KCNQ5: variants seen among roughly 807,000 people sequenced by gnomAD.
KCNQ5 encodes potassium voltage-gated channel subfamily KQT member 5.
Under a neutral mutation model 98.2 loss-of-function variants are expected in KCNQ5, and 30 were observed. The observed-to-expected ratio is 0.31, with a 90% CI of 0.23 to 0.41. The LOEUF (loss-of-function observed/expected upper bound fraction) is 0.41. Among genes scored for constraint, KCNQ5 ranks in the 10% least tolerant of loss-of-function variants. The pLI, the probability that KCNQ5 is intolerant of heterozygous loss-of-function variation, is 1.00. For synonymous variants in KCNQ5, 458 were observed against 449.4 expected (o/e 1.02, Z -0.24); for missense variants, 835 against 1,182.5 (o/e 0.71, Z 4.31).
chr6:72,680,282 G>A (rs1054733944), intron 1 of KCNQ5, among the ~76,000 whole-genome samples: 1 of 152,162 alleles, frequency 6.6e-6, no homozygotes, highest in Non-Finnish European at 1.5e-5. Flanking sequence ...ATGGAATCAT[G>A]TAATATGTGG....
At chr6:73,135,980 A>G (rs1192371698) in intron 10 of KCNQ5, 1 of 152,162 alleles carries the variant, frequency 6.6e-6, no homozygotes, top group Non-Finnish European at 1.5e-5. Context: ...ATTTAATAAC[A>G]TCTCTAAAGA....
intron 1 of KCNQ5, chr6:72,987,608 TGCAGCAGAAC>T: frequency 6.8e-6 from 4 of 586,808 alleles, no homozygotes; most frequent in South Asian, 4.9e-5. Flanking sequence ...CAGCAGAACC[TGCAGCAGAAC>T]CTGCAGCAGG....
rs533157068 is a variant in KCNQ5, at chr6:73,123,834, A to G, written c.1221-652A>G. The stretch of plus-strand genomic sequence containing the variant: ...TAAAGCCTTTGATTTACTCATAAGA[A>G]AACCAAAACCTGCAAGCAAATAAGG... On this transcript the variant is annotated intron_variant, in intron 8 of 13. Coordinates refer to ENST00000370398, the MANE Select transcript of KCNQ5 (RefSeq NM_019842.4). Among the ~76,000 whole-genome samples, 6 of 152,298 alleles carry G rather than the reference A, an allele frequency of 3.9e-5. No individual in the cohort carries two copies. The East Asian group carries it at 1.2e-3, about 29-fold the overall frequency.
At chr6:72,974,052 G>A (rs9342991) in intron 1 of KCNQ5, among the ~76,000 whole-genome samples, 100,483 of 152,078 alleles carry the variant, frequency 0.66, 36,899 homozygotes, top group Non-Finnish European at 0.82. Flanking sequence ...TTTGCTGGGG[G>A]AGAAGTAACA....
intron 1 of KCNQ5, among the ~76,000 whole-genome samples, chr6:72,975,033 G>A (rs968863927): frequency 6.6e-6 from 1 of 152,006 alleles, no homozygotes; most frequent in Non-Finnish European, 1.5e-5. Flanking sequence ...CACCACTCCC[G>A]ACCCTAACAC....
intron 1 of KCNQ5, among the ~76,000 whole-genome samples, chr6:72,651,979 C>T (rs1338243243): frequency 6.6e-6 from 1 of 151,928 alleles, no homozygotes; most frequent in African/African-American, 2.4e-5. Flanking sequence ...TTACAGATTT[C>T]TTTTTTGATG....
chr6:72,859,336 A>G (rs1777664576), intron 1 of KCNQ5, among the ~76,000 whole-genome samples: 1 of 152,174 alleles, frequency 6.6e-6, no homozygotes, highest in African/African-American at 2.4e-5. Context: ...TATTTTTTTA[A>G]GCATGGGTGG....
At chr6:72,692,185 G>A (rs1221658332) in intron 1 of KCNQ5, among the ~76,000 whole-genome samples, 1 of 152,206 alleles carries the variant, frequency 6.6e-6, no homozygotes, top group Non-Finnish European at 1.5e-5. Flanking sequence ...GATGCCAGGT[G>A]TTTTGCCTGT....
chr6:73,039,970 T>C (rs1040060720), intron 2 of KCNQ5, among the ~76,000 whole-genome samples: 8 of 152,280 alleles, frequency 5.3e-5, no homozygotes, highest in African/African-American at 1.9e-4. Context: ...CTTTCAGCCC[T>C]ATTGGTTTTG....
chr6:72,972,019 G>T (rs1421641521), intron 1 of KCNQ5, among the ~76,000 whole-genome samples: 1 of 152,030 alleles, frequency 6.6e-6, no homozygotes, highest in African/African-American at 2.4e-5. Flanking sequence ...ATGATCTAGT[G>T]AGTTCTGTGG....
chr6:72,771,652 C>CTGTGTGTGTG (rs150518788), intron 1 of KCNQ5, among the ~76,000 whole-genome samples: 16,038 of 147,676 alleles, frequency 0.11, 1,018 homozygotes, highest in South Asian at 0.2. Flanking sequence ...AACCATTTCA[C>CTGTGTGTGTG]TGTGTGTGTG....
chr6:72,831,757 G>GGA (rs577323635), intron 1 of KCNQ5, among the ~76,000 whole-genome samples: 1 of 150,244 alleles, frequency 6.7e-6, no homozygotes, highest in Non-Finnish European at 1.5e-5. Flanking sequence ...AAAATTAACA[G>GGA]AAAAAAAAAG....
At chr6:73,063,667 T>TGATAGATAGATAGATAGATAGATAGATA (rs1554203587) in intron 3 of KCNQ5, among the ~76,000 whole-genome samples, 8 of 64,484 alleles carry the variant, frequency 1.2e-4, no homozygotes, top group African/African-American at 3.8e-4. Context: ...GATAGATAGA[T>TGATAGATAGATAGATAGATAGATAGATA]GATAGATAGA....
chr6:72,861,055 T>C lies in KCNQ5; in HGVS notation c.399-142853T>C, dbSNP rs530232880. ...GGTTGAGAGCTCATATTTTTTAAGATAGCAATGTAAGTATTGCTATCCAGT... is the reference window on the plus strand; with the variant it reads ...GGTTGAGAGCTCATATTTTTTAAGACAGCAATGTAAGTATTGCTATCCAGT... On this transcript the variant is annotated intron_variant, in intron 1 of 13. Coordinates refer to ENST00000370398, the MANE Select transcript of KCNQ5 (RefSeq NM_019842.4). Among the ~76,000 whole-genome samples the C allele has an allele frequency of 3.3e-5, 5 of 152,234 alleles. No homozygotes were observed. In the East Asian group the frequency reaches 9.6e-4, roughly 29 times the overall value.
In KCNQ5 at chr6:73,149,392, A is replaced by G. The variant is rs990698169; in HGVS notation, c.1468+15751A>G. Among the ~76,000 whole-genome samples, 3 of 152,370 alleles carry G rather than the reference A, an allele frequency of 2.0e-5. No individual in the cohort carries two copies. In the East Asian group the frequency reaches 5.8e-4, roughly 29 times the overall value. On this transcript the variant is annotated intron_variant, in intron 10 of 13. Transcript: ENST00000370398. ...TAAAGATTAACACAAAATGAATCAC[A>G]GATTTAAATATAAAGCATAAAGCTT...
At chr6:73,065,288 T>C (rs1286634903) in intron 3 of KCNQ5, among the ~76,000 whole-genome samples, 2 of 152,178 alleles carry the variant, frequency 1.3e-5, no homozygotes, top group Non-Finnish European at 2.9e-5. Context: ...AAGTCAGCCT[T>C]AGACTCCCTC....
chr6:72,854,276 T>G (rs1777424372), intron 1 of KCNQ5, among the ~76,000 whole-genome samples: 1 of 152,160 alleles, frequency 6.6e-6, no homozygotes, highest in Non-Finnish European at 1.5e-5. Flanking sequence ...ATAAATTTTT[T>G]TTTAAAATTT....
At chr6:72,769,376 A>G (rs893628144) in intron 1 of KCNQ5, among the ~76,000 whole-genome samples, 2 of 152,142 alleles carry the variant, frequency 1.3e-5, no homozygotes, top group African/African-American at 4.8e-5. Flanking sequence ...GCATGATCAA[A>G]TACAAAATCA....
At chr6:72,697,817 A>G (rs1768579131) in intron 1 of KCNQ5, among the ~76,000 whole-genome samples, 1 of 152,212 alleles carries the variant, frequency 6.6e-6, no homozygotes, top group Non-Finnish European at 1.5e-5. Context: ...TAGCTTGATT[A>G]TGGCGATTAT....
Sources: allele counts gnomAD v4.1 joint callset (sites outside exome capture counted in the v4.1 genomes callset), GRCh38; gene constraint gnomAD v4.1.1; transcripts MANE v1.5; gene names NCBI Gene and HGNC (gene_info 2026-07-23, HGNC 2026-07-21).